Variants in VDR observed in about 807,000 individuals in gnomAD.
VDR encodes the protein vitamin D3 receptor.
Under a neutral mutation model 39.7 loss-of-function variants are expected in VDR, and 19 were observed. That is an observed-to-expected ratio of 0.48 (90% CI 0.33 to 0.70). The LOEUF (loss-of-function observed/expected upper bound fraction) is 0.70. Among genes scored for constraint, VDR ranks in the 30% least tolerant of loss-of-function variants. VDR has a pLI of 0.02. For synonymous variants in VDR, 242 were observed against 215.8 expected (o/e 1.12, Z -1.07); for missense variants, 442 against 570.5 (o/e 0.77, Z 2.29).
intron 7 of VDR, among the ~76,000 whole-genome samples, chr12:47,854,934 C>T (rs746820767): frequency 6.6e-6 from 1 of 152,134 alleles, no homozygotes; most frequent in Non-Finnish European, 1.5e-5. Context: ...GGCTCATGCC[C>T]GTAATCCCAG....
At chr12:47,871,657 G>T (rs1212543952) in intron 3 of VDR, among the ~76,000 whole-genome samples, 1 of 151,912 alleles carries the variant, frequency 6.6e-6, no homozygotes, top group Admixed American at 6.6e-5. Context: ...TAGAGATGGG[G>T]TTTCACCATG....
intron 7 of VDR, among the ~76,000 whole-genome samples, chr12:47,848,843 G>A (rs116955076): frequency 0.017 from 2,531 of 152,180 alleles, 42 homozygotes; most frequent in Non-Finnish European, 0.025. Flanking sequence ...CTGGGATTAC[G>A]GCGTGAGCCA....
intron 3 of VDR, among the ~76,000 whole-genome samples, chr12:47,866,182 A>G (rs1359586172): frequency 6.6e-6 from 1 of 150,946 alleles, no homozygotes; most frequent in Non-Finnish European, 1.5e-5. Context: ...ATCTCAGCTC[A>G]CTGCAAGCTC....
rs71077177 is a variant in VDR, at chr12:47,873,351, CT to C, written c.146+5616del. Among the ~76,000 whole-genome samples, 315 of 98,308 alleles carry C rather than the reference CT, an allele frequency of 3.2e-3. 1 individual carries two copies. Among genetic ancestry groups the C allele is most frequent in the African/African-American group, 0.011 (262 of 23,734 alleles). 64.5% of individuals were successfully genotyped at this position (98,308 alleles called of 152,430 possible). ...ACCATGAGTCAATTAAACCTGTTTTCTTTTTTTTTTTTTTTTTTTTTTTTTT... is the reference window on the plus strand; with the variant it reads ...ACCATGAGTCAATTAAACCTGTTTTCTTTTTTTTTTTTTTTTTTTTTTTTT... On this transcript the variant is annotated intron_variant, in intron 3 of 9. Transcript: ENST00000549336.
chr12:47,879,178 C>T, intron 2 of VDR, 63 bp from the exon 3 acceptor site: 1 of 1,572,796 alleles, frequency 6.4e-7, no homozygotes, highest in South Asian at 1.2e-5. Context: ...AGCTGGCATC[C>T]TTGGTGCCAC....
intron 8 of VDR, 95 bp downstream of exon 8, chr12:47,846,562 C>G: frequency 1.3e-6 from 2 of 1,583,858 alleles, no homozygotes; most frequent in South Asian, 2.3e-5. Context: ...GCCTAACTCC[C>G]TCCCATGTAT....
chr12:47,903,904 A>G (rs887316624), intron 1 of VDR, among the ~76,000 whole-genome samples: 28 of 152,304 alleles, frequency 1.8e-4, no homozygotes, highest in Admixed American at 7.2e-4. Context: ...TGTGTTGGGT[A>G]TCTGAGCCCC....
chr12:47,867,017 C>CAAAAT (rs139104443), intron 3 of VDR, among the ~76,000 whole-genome samples: 1 of 150,838 alleles, frequency 6.6e-6, no homozygotes, highest in Non-Finnish European at 1.5e-5. Flanking sequence ...CAAAACAAAA[C>CAAAAT]AAAAAAAACC....
chr12:47,867,525 G>T (rs1945762283), intron 3 of VDR, among the ~76,000 whole-genome samples: 1 of 152,158 alleles, frequency 6.6e-6, no homozygotes, highest in African/African-American at 2.4e-5. Context: ...GCTGCATAAA[G>T]GACACCTCCC....
chr12:47,876,612 GT>G (rs1946010337), intron 3 of VDR, among the ~76,000 whole-genome samples: 1 of 152,230 alleles, frequency 6.6e-6, no homozygotes, highest in South Asian at 2.1e-4. Flanking sequence ...GTGGGTTAAG[GT>G]GGCATCATGT....
chr12:47,871,589 G>T (rs1012395170), intron 3 of VDR, among the ~76,000 whole-genome samples: 1 of 151,166 alleles, frequency 6.6e-6, no homozygotes, highest in Non-Finnish European at 1.5e-5. Context: ...TCAGCCTCCC[G>T]AGTAGCTGGA....
At chr12:47,849,974 C>T (rs1042012268) in intron 7 of VDR, among the ~76,000 whole-genome samples, 8 of 152,054 alleles carry the variant, frequency 5.3e-5, no homozygotes, top group Non-Finnish European at 1.0e-4. Context: ...TCTCAGCCTG[C>T]GGAGAAGCTG....
intron 9 of VDR, among the ~76,000 whole-genome samples, chr12:47,846,107 C>G (rs1207791777): frequency 6.6e-6 from 1 of 152,232 alleles, no homozygotes; most frequent in Non-Finnish European, 1.5e-5. Flanking sequence ...CAGAATCCCC[C>G]CTACGAATCG....
chr12:47,899,962 A>G, intron 1 of VDR: 1 of 985,578 alleles, frequency 1.0e-6, no homozygotes, highest in Non-Finnish European at 1.2e-6. Context: ...AGGAGCCCTT[A>G]AGGGATAGCC....
At chr12:47,880,190 T>A (rs2408877) in intron 2 of VDR, among the ~76,000 whole-genome samples, 123,012 of 152,064 alleles carry the variant, frequency 0.81, 50,417 homozygotes, top group African/African-American at 0.93. Context: ...AGGGTCCTTC[T>A]TGTCAGAAGA....
At chr12:47,875,661 T>C (rs1410482175) in intron 3 of VDR, among the ~76,000 whole-genome samples, 2 of 152,230 alleles carry the variant, frequency 1.3e-5, no homozygotes, top group Non-Finnish European at 2.9e-5. Flanking sequence ...TCATTATTCA[T>C]GGTAGTTATG....
intron 3 of VDR, among the ~76,000 whole-genome samples, chr12:47,872,750 G>C (rs1425879008): frequency 6.6e-6 from 1 of 152,086 alleles, no homozygotes; most frequent in Non-Finnish European, 1.5e-5. Context: ...ACATCACATA[G>C]TTATACTTTC....
intron 4 of VDR, among the ~76,000 whole-genome samples, chr12:47,858,830 T>C (rs1402210785): frequency 6.6e-6 from 1 of 152,034 alleles, no homozygotes; most frequent in East Asian, 1.9e-4. Flanking sequence ...TTGAGAAAGG[T>C]CCATTGGCCC....
At chr12:47,867,815 A>G (rs1945768350) in intron 3 of VDR, among the ~76,000 whole-genome samples, 1 of 152,244 alleles carries the variant, frequency 6.6e-6, no homozygotes. Context: ...GATTCTTGGT[A>G]AAACATGACT....
Sources: gnomAD v4.1 joint callset for allele counts (sites outside exome capture counted in the v4.1 genomes callset) on GRCh38, gnomAD v4.1.1 for gene constraint, MANE v1.5 for transcripts, NCBI Gene and HGNC (gene_info 2026-07-23, HGNC 2026-07-21) for gene names.